Variants in PDE9A observed in about 807,000 individuals in gnomAD.
PDE9A encodes the protein high affinity cGMP-specific 3',5'-cyclic phosphodiesterase 9A.
Under a neutral mutation model 87.4 loss-of-function variants are expected in PDE9A, and 60 were observed. The ratio of observed to expected loss-of-function variants is 0.69; its 90% confidence interval spans 0.56 to 0.85. The LOEUF is 0.85. PDE9A is among the 40% of genes least tolerant of loss of function. PDE9A has a pLI of 0.00. For missense variants in PDE9A, 665 were observed against 779.0 expected (o/e 0.85, Z 1.74); for synonymous variants, 272 against 279.4 (o/e 0.97, Z 0.27).
chr21:42,725,844 A>G (rs980363716), intron 4 of PDE9A, among the ~76,000 whole-genome samples: 1 of 152,170 alleles, frequency 6.6e-6, no homozygotes, highest in Non-Finnish European at 1.5e-5. Context: ...CTCCGCGTAC[A>G]TCATCTCTCT....
chr21:42,751,306 C>T, intron 9 of PDE9A, 109 bp downstream of exon 9: 1 of 799,558 alleles, frequency 1.3e-6, no homozygotes, highest in Non-Finnish European at 2.2e-6. Context: ...ACATCAACCG[C>T]CCCTCCCAGC....
At chr21:42,734,036 G>A (rs2269154) in intron 7 of PDE9A, 15,209 of 151,858 alleles carry the variant, frequency 0.1, 980 homozygotes, top group East Asian at 0.32. Context: ...CTGCTTCTCC[G>A]TTGCCTTCCA....
intron 4 of PDE9A, among the ~76,000 whole-genome samples, chr21:42,714,742 G>C (rs374026795): frequency 2.2e-5 from 3 of 136,456 alleles, no homozygotes; most frequent in Non-Finnish European, 4.8e-5. Context: ...ACCAGTCTTT[G>C]TTGATATGGT....
intron 17 of PDE9A, among the ~76,000 whole-genome samples, chr21:42,770,378 C>G (rs1357068387): frequency 6.6e-6 from 1 of 152,218 alleles, no homozygotes; most frequent in African/African-American, 2.4e-5. Flanking sequence ...TTCCCACTCC[C>G]AGGACCCTCA....
chr21:42,697,193 C>T (rs1848869768), intron 3 of PDE9A, among the ~76,000 whole-genome samples: 1 of 152,116 alleles, frequency 6.6e-6, no homozygotes, highest in African/African-American at 2.4e-5. Flanking sequence ...CAGTGCCCGG[C>T]TCTCCCGAGA....
chr21:42,736,096 C>T (rs1206041365), intron 7 of PDE9A, among the ~76,000 whole-genome samples: 8 of 152,118 alleles, frequency 5.3e-5, no homozygotes, highest in African/African-American at 1.4e-4. Context: ...CTCTCTCCAG[C>T]ACCTGGGTTT....
chr21:42,745,216 G>A (rs1343519418), intron 8 of PDE9A, among the ~76,000 whole-genome samples: 1 of 152,228 alleles, frequency 6.6e-6, no homozygotes, highest in African/African-American at 2.4e-5. Context: ...CAAAGCCCCG[G>A]GGGCCTGGCC....
At position 42,709,661 on chromosome 21, in the gene PDE9A, A is replaced by G. The variant is rs1602189796; in HGVS notation, c.262+10650A>G. The stretch of plus-strand genomic sequence containing the variant: ...TGTCTGGACTCTTTCACTCAACATC[A>G]TTTTTGTTTGTTTGTTTGTGTGTGT... On this transcript the variant is annotated intron_variant, in intron 4 of 19. Coordinates refer to ENST00000291539, the MANE Select transcript of PDE9A (RefSeq NM_002606.3). Among the ~76,000 whole-genome samples, 5 of 151,906 alleles carry G rather than the reference A, an allele frequency of 3.3e-5. 1 individual carries two copies. In the South Asian group the frequency reaches 1.0e-3, roughly 32 times the overall value.
intron 13 of PDE9A, among the ~76,000 whole-genome samples, chr21:42,761,258 C>T (rs562610188): frequency 1.3e-3 from 205 of 152,374 alleles, no homozygotes; most frequent in African/African-American, 4.2e-3. Flanking sequence ...GGGCTCCACA[C>T]CCCCCTCTCA....
chr21:42,653,915 T>TC (rs1569082506), intron 1 of PDE9A, 32 bp downstream of exon 1: 3 of 1,263,896 alleles, frequency 2.4e-6, no homozygotes, highest in Non-Finnish European at 3.3e-6. Flanking sequence ...CACCCCCTCC[T>TC]CCCCCCGGGT....
intron 6 of PDE9A, among the ~76,000 whole-genome samples, chr21:42,733,031 G>A (rs1223356279): frequency 6.6e-6 from 1 of 152,242 alleles, no homozygotes; most frequent in Non-Finnish European, 1.5e-5. Context: ...TGCGGGGACT[G>A]GACCATCTCA....
chr21:42,740,419 G>A (rs1429621942), intron 7 of PDE9A, among the ~76,000 whole-genome samples: 1 of 150,158 alleles, frequency 6.7e-6, no homozygotes, highest in Non-Finnish European at 1.5e-5. Flanking sequence ...ACTCCAGCCT[G>A]GGTGACAGGG....
intron 4 of PDE9A, among the ~76,000 whole-genome samples, chr21:42,725,326 G>A (rs1289100840): frequency 6.6e-6 from 1 of 151,848 alleles, no homozygotes; most frequent in East Asian, 1.9e-4. Flanking sequence ...CACAACCTCC[G>A]CCTCCAGGGT....
At chr21:42,666,717 T>C (rs538290369) in intron 1 of PDE9A, among the ~76,000 whole-genome samples, 37 of 152,316 alleles carry the variant, frequency 2.4e-4, no homozygotes, top group Middle Eastern at 3.4e-3. Flanking sequence ...GGACATCTCA[T>C]TTTAAAGGCC....
At position 42,717,557 on chromosome 21, in the gene PDE9A, T is replaced by A. The variant is rs557912515; in HGVS notation, c.263-14213T>A. On this transcript the variant is annotated intron_variant, in intron 4 of 19. Transcript: ENST00000291539. ...AGACTCCATCTCAAAAAAAAAAAAA[T>A]TTTTTTGTATTTTTAGTAGAGACGA... Among the ~76,000 whole-genome samples, 58 of 19,118 alleles carry A rather than the reference T, an allele frequency of 3.0e-3. 3 individuals carry two copies. Among genetic ancestry groups the A allele is most frequent in the East Asian group, 0.036 (1 of 28 alleles). 12.5% of individuals were successfully genotyped at this position (19,118 alleles called of 152,430 possible). A position where few individuals can be genotyped will look rare whatever the true frequency, so the allele number is the denominator to read the frequency against.
intron 3 of PDE9A, among the ~76,000 whole-genome samples, chr21:42,691,734 G>A (rs1466459612): frequency 7.0e-6 from 1 of 142,352 alleles, no homozygotes; most frequent in Non-Finnish European, 1.5e-5. Flanking sequence ...CTATCACCAG[G>A]CCCTTCACCA....
At chr21:42,764,983 G>GTGGATGGATGGATGGGTGGA (rs2056227295) in intron 14 of PDE9A, among the ~76,000 whole-genome samples, 2 of 118,362 alleles carry the variant, frequency 1.7e-5, no homozygotes, top group Non-Finnish European at 3.4e-5. Flanking sequence ...GGGTGGGTGG[G>GTGGATGGATGGATGGGTGGA]TGGATGGATG....
intron 3 of PDE9A, among the ~76,000 whole-genome samples, chr21:42,693,244 G>C (rs2059953341): frequency 2.0e-5 from 3 of 151,686 alleles, no homozygotes; most frequent in African/African-American, 7.3e-5. Context: ...CTGTAAGCTA[G>C]TTCCACTAAA....
At chr21:42,771,479 G>C (rs1356198257) in intron 18 of PDE9A, among the ~76,000 whole-genome samples, 2 of 152,212 alleles carry the variant, frequency 1.3e-5, no homozygotes, top group Non-Finnish European at 2.9e-5. Context: ...CAGGCAGCTA[G>C]AACAGTCTTA....
Sources: allele counts gnomAD v4.1 joint callset (sites outside exome capture counted in the v4.1 genomes callset), GRCh38; gene constraint gnomAD v4.1.1; transcripts MANE v1.5; gene names NCBI Gene and HGNC (gene_info 2026-07-23, HGNC 2026-07-21).